The following MAGEC3 variants were observed in gnomAD, a reference collection of about 807,000 sequenced individuals.
MAGEC3 encodes the protein MAGE family member C3.
In MAGEC3, 34 loss-of-function variants were observed where a neutral mutation model predicts 35.3. The ratio of observed to expected loss-of-function variants is 0.96; its 90% CI spans 0.73 to 1.28. The LOEUF (loss-of-function observed/expected upper bound fraction) is 1.28, where lower values mean the gene tolerates loss of function less well. Among genes scored for constraint, MAGEC3 ranks in the 50% most tolerant of loss-of-function variants. The pLI is 0.00. For synonymous variants in MAGEC3, 202 were observed against 185.6 expected, an observed-to-expected ratio of 1.09 and a Z score of -0.72; for missense variants, 561 against 483.6, an observed-to-expected ratio of 1.16 and a Z score of -1.50.
chrX:141,854,356 C>T (rs1329802579), intron 1 of MAGEC3, among the ~76,000 whole-genome samples: 4 of 110,726 alleles, frequency 3.6e-5, no homozygotes, highest in African/African-American at 9.9e-5. Flanking sequence ...CAAGCTAAGA[C>T]CTGAAATCTG....
At chrX:141,888,393 A>G (rs1004785768) in intron 4 of MAGEC3, among the ~76,000 whole-genome samples, 1 of 112,324 alleles carries the variant, frequency 8.9e-6, no homozygotes, top group African/African-American at 3.2e-5. Context: ...ATGTGCGATG[A>G]TATACTTATG....
rs145822629 is a variant in MAGEC3, at chrX:141,881,570, A to G, written c.683A>G (p.Lys228Arg). The change falls in exon 4 of 8, where the codon AAA (lysine) becomes AGA (arginine). Residue 228 changes from lysine to arginine, a missense_variant. Transcript: ENST00000298296. Reference protein sequence around the residue: ...YTGYFPMIFRKAREFIEILFG... With the variant: ...YTGYFPMIFRRAREFIEILFG... ...GGCTACTTTCCTATGATCTTCAGGA[A>G]AGCCCGTGAGTTCATAGAGATTCTT... 1.4e-3 allele frequency: 1,653 copies of G among 1,209,433 alleles called. 20 individuals carry two copies. In the African/African-American group the frequency reaches 0.021, roughly 15 times the overall value.
chrX:141,880,780 A>G, intron 3 of MAGEC3: 7 of 966,948 alleles, frequency 7.2e-6, no homozygotes, highest in Non-Finnish European at 1.0e-5. Context: ...CAAACCCCCT[A>G]GGATGGCAGG....
At chrX:141,843,574 A>G (rs1460240255) in intron 1 of MAGEC3, among the ~76,000 whole-genome samples, 1 of 110,981 alleles carries the variant, frequency 9.0e-6, no homozygotes, top group Non-Finnish European at 1.9e-5. Context: ...ATATCACCCC[A>G]TGAACAGAAT....
chrX:141,893,092 G>A (rs1364964644), intron 4 of MAGEC3, among the ~76,000 whole-genome samples: 2 of 111,853 alleles, frequency 1.8e-5, no homozygotes, highest in Non-Finnish European at 3.8e-5. Context: ...ATATTAAAGA[G>A]TTCAATGTCA....
At chrX:141,847,641 G>A (rs905390155) in intron 1 of MAGEC3, among the ~76,000 whole-genome samples, 3 of 111,343 alleles carry the variant, frequency 2.7e-5, no homozygotes, top group African/African-American at 9.7e-5. Flanking sequence ...AAATCGTACA[G>A]ATAATTAGAA....
chrX:141,873,404 A>G (rs1184826988), intron 2 of MAGEC3, among the ~76,000 whole-genome samples: 1 of 110,422 alleles, frequency 9.1e-6, no homozygotes, highest in Non-Finnish European at 1.9e-5. Flanking sequence ...GTTACCTAAG[A>G]TACTCCCACC....
At chrX:141,873,950 T>TC (rs775920379) in intron 2 of MAGEC3, among the ~76,000 whole-genome samples, 7 of 111,788 alleles carry the variant, frequency 6.3e-5, no homozygotes, top group African/African-American at 2.3e-4. Flanking sequence ...GACTAACACT[T>TC]CCCAACTTCA....
At position 141,896,744 on chromosome X, in the gene MAGEC3, C is replaced by G. The variant is rs750450322; in HGVS notation, c.1124-138C>G. 13 of 1,209,845 alleles carry G rather than the reference C, an allele frequency of 1.1e-5. No individual in the cohort carries two copies. The African/African-American group carries it at 2.3e-4, about 21-fold the overall frequency. On this transcript the variant is annotated intron_variant, in intron 6 of 7. Transcript: ENST00000298296. ...GAGGACTTGGTAGATGCACAGGATTCCATAGATGAGGAGGAGGAGGATGCC... is the reference window on the plus strand; with the variant it reads ...GAGGACTTGGTAGATGCACAGGATTGCATAGATGAGGAGGAGGAGGATGCC...
At chrX:141,882,953 G>A (rs1362101724) in intron 4 of MAGEC3, among the ~76,000 whole-genome samples, 2 of 111,938 alleles carry the variant, frequency 1.8e-5, no homozygotes, top group Non-Finnish European at 3.8e-5. Context: ...GGAGCTGATT[G>A]TTATGAAGCT....
Position 141,897,383 on chromosome X carries a change from G to A in MAGEC3, c.1625G>A (p.Gly542Asp), listed in dbSNP as rs1052153554. The A allele has an allele frequency of 8.3e-7, 1 of 1,211,740 alleles. No individual in the cohort carries two copies. Among genetic ancestry groups the A allele is most frequent in the East Asian group, 3.0e-5 (1 of 33,813 alleles). Residue 542 changes from glycine to aspartate, a missense_variant, in exon 7 of 8, where the codon GGC becomes GAC. Coordinates refer to ENST00000298296, the MANE Select transcript of MAGEC3 (RefSeq NM_138702.1). ...GAGGGAAGCCTGATTGATGACCAGGGCATGCCCAAGAACTGTCTCCTGATT... is the reference window on the plus strand; with the variant it reads ...GAGGGAAGCCTGATTGATGACCAGGACATGCCCAAGAACTGTCTCCTGATT... ...TYEGSLIDDQ[G>D]MPKNCLLILI...
intron 1 of MAGEC3, chrX:141,839,189 T>C (rs767940138): frequency 7.3e-6 from 1 of 136,935 alleles, no homozygotes; most frequent in South Asian, 3.3e-4. Flanking sequence ...GCTGCCTTGA[T>C]TCCCTCTCCA....
At chrX:141,887,944 C>T (rs1166986790) in intron 4 of MAGEC3, among the ~76,000 whole-genome samples, 1 of 112,239 alleles carries the variant, frequency 8.9e-6, no homozygotes, top group Non-Finnish European at 1.9e-5. Context: ...TGTAGGTCAT[C>T]AAATCACCAT....
At chrX:141,846,472 T>C (rs903932978) in intron 1 of MAGEC3, among the ~76,000 whole-genome samples, 1 of 109,954 alleles carries the variant, frequency 9.1e-6, no homozygotes, top group Non-Finnish European at 1.9e-5. Context: ...CCTTAAGGGA[T>C]CCTAACAGGA....
chrX:141,848,230 C>CTTTCTTGTCTT (rs1432005140), intron 1 of MAGEC3, among the ~76,000 whole-genome samples: 2 of 109,399 alleles, frequency 1.8e-5, no homozygotes, highest in East Asian at 5.8e-4. Context: ...CAAGGATACC[C>CTTTCTTGTCTT]ACTCTCACAA....
At chrX:141,842,200 C>G (rs1317445875) in intron 1 of MAGEC3, among the ~76,000 whole-genome samples, 1 of 111,219 alleles carries the variant, frequency 9.0e-6, no homozygotes, top group Non-Finnish European at 1.9e-5. Context: ...CAAGGCACGA[C>G]ACAACATTAT....
At chrX:141,876,157 G>A (rs2017918922) in intron 2 of MAGEC3, among the ~76,000 whole-genome samples, 2 of 111,953 alleles carry the variant, frequency 1.8e-5, no homozygotes. Context: ...CATCACATTT[G>A]GGCAAACTGG....
rs1360980291 is a variant in MAGEC3 at position 141,839,735 on chromosome X, C to T, written c.123+1297C>T. 5 of 743,501 alleles carry T rather than the reference C, an allele frequency of 6.7e-6. No individual in the cohort carries two copies. In the African/African-American group the frequency reaches 9.3e-5, roughly 14 times the overall value. 61.3% of individuals were successfully genotyped at this position (743,501 alleles called of 1,213,427 possible). ...ATCTTTATATCCATTTTCCCTGGAT[C>T]ATTACTTACTGTTCTTAACTCAGTG... On this transcript the variant is annotated intron_variant, in intron 1 of 7. Coordinates refer to ENST00000298296, the MANE Select transcript of MAGEC3 (RefSeq NM_138702.1).
At chrX:141,891,727 A>G (rs938926609) in intron 4 of MAGEC3, among the ~76,000 whole-genome samples, 6 of 105,193 alleles carry the variant, frequency 5.7e-5, no homozygotes, top group Non-Finnish European at 1.2e-4. Flanking sequence ...ATATATATTT[A>G]TATATGCATA....
Sources: allele counts gnomAD v4.1 joint callset (sites outside exome capture counted in the v4.1 genomes callset), GRCh38; gene constraint gnomAD v4.1.1; transcripts MANE v1.5; gene names NCBI Gene and HGNC (gene_info 2026-07-23, HGNC 2026-07-21).